Variants in GRK5 observed in about 807,000 individuals in gnomAD.
GRK5 encodes G protein-coupled receptor kinase 5.
GRK5 carries 40 observed loss-of-function variants against 78.4 expected under a neutral mutation model. The observed-to-expected ratio is 0.51, with a 90% CI of 0.40 to 0.66. The LOEUF is 0.66. GRK5 is among the 30% of genes least tolerant of loss of function. The pLI is 0.00. For synonymous variants in GRK5, 289 were observed against 296.8 expected (o/e 0.97, Z 0.27); for missense variants, 598 against 759.9 (o/e 0.79, Z 2.50).
chr10:119,229,157 G>A (rs1848786803), intron 1 of GRK5, among the ~76,000 whole-genome samples: 1 of 152,166 alleles, frequency 6.6e-6, no homozygotes, highest in Non-Finnish European at 1.5e-5. Context: ...TTTGGAGCTG[G>A]AGAGTAAGGG....
chr10:119,210,603 T>G (rs1848471309), intron 1 of GRK5, among the ~76,000 whole-genome samples: 1 of 152,214 alleles, frequency 6.6e-6, no homozygotes, highest in Non-Finnish European at 1.5e-5. Context: ...AACAGTATAT[T>G]AAAAAAATCT....
intron 8 of GRK5, among the ~76,000 whole-genome samples, chr10:119,436,425 G>A (rs908595767): frequency 1.3e-4 from 20 of 152,240 alleles, no homozygotes; most frequent in Admixed American, 3.3e-4. Context: ...GCCCTAACCC[G>A]CCTTGGCCTT....
At chr10:119,261,994 C>A (rs1309978879) in intron 1 of GRK5, among the ~76,000 whole-genome samples, 1 of 152,154 alleles carries the variant, frequency 6.6e-6, no homozygotes, top group African/African-American at 2.4e-5. Context: ...GCAATGAAGT[C>A]AAAATTGACC....
At chr10:119,387,031 G>A (rs1457502634) in intron 3 of GRK5, among the ~76,000 whole-genome samples, 2 of 151,800 alleles carry the variant, frequency 1.3e-5, no homozygotes, top group African/African-American at 2.4e-5. Flanking sequence ...TTGAGACAGA[G>A]TCTCACTGTG....
intron 2 of GRK5, among the ~76,000 whole-genome samples, chr10:119,351,273 T>TGGTA (rs901844759): frequency 6.6e-5 from 10 of 152,044 alleles, no homozygotes; most frequent in African/African-American, 2.4e-4. Flanking sequence ...ACTGTAATGG[T>TGGTA]GGTAACTCTT....
chr10:119,347,328 T>G (rs1350781402), intron 2 of GRK5, among the ~76,000 whole-genome samples: 3 of 152,112 alleles, frequency 2.0e-5, no homozygotes, highest in Admixed American at 6.5e-5. Flanking sequence ...TGTCCGTATA[T>G]TTGTGAGTGT....
rs1850898331 is a variant in GRK5 at position 119,336,903 on chromosome 10, C to T, written c.148+10292C>T. The stretch of plus-strand genomic sequence containing the variant: ...CTCTCAGGAGGGAAGGGTGGCCCCG[C>T]TGTCTTTGCGGTGTTAGTCTCACCT... On this transcript the variant is annotated intron_variant, in intron 2 of 15. Transcript: ENST00000392870. This position sits in a 1 kb window ranked among gnomAD's most constrained non-coding sequence, Gnocchi z 4.5. Among the ~76,000 whole-genome samples the T allele has an allele frequency of 6.6e-6, 1 of 152,204 alleles. No homozygotes were observed. The highest frequency in any genetic ancestry group is 2.4e-5 in the African/African-American group (1 of 41,456).
At chr10:119,340,478 A>G (rs2133783618) in intron 2 of GRK5, among the ~76,000 whole-genome samples, 1 of 152,344 alleles carries the variant, frequency 6.6e-6, no homozygotes, top group Non-Finnish European at 1.5e-5. Context: ...ATATATGTCA[A>G]TGGTTGCAAT....
intron 14 of GRK5, 127 bp from the exon 15 acceptor site, chr10:119,453,018 C>T (rs1589819103): frequency 6.9e-6 from 6 of 864,802 alleles, no homozygotes; most frequent in Non-Finnish European, 1.2e-5. Context: ...CGCCCAGCCC[C>T]TGAGACCTGG....
At chr10:119,276,488 T>G (rs1221726286) in intron 1 of GRK5, among the ~76,000 whole-genome samples, 1 of 152,212 alleles carries the variant, frequency 6.6e-6, no homozygotes, top group African/African-American at 2.4e-5. Context: ...ATTTTCTTAA[T>G]CCAGTCTATC....
At chr10:119,399,181 C>T (rs1040296754) in intron 4 of GRK5, among the ~76,000 whole-genome samples, 1 of 152,248 alleles carries the variant, frequency 6.6e-6, no homozygotes, top group Non-Finnish European at 1.5e-5. Context: ...AAGTTCTCCT[C>T]AATTTAAAAA....
At chr10:119,435,247 G>T (rs532347621) in intron 8 of GRK5, among the ~76,000 whole-genome samples, 1 of 152,338 alleles carries the variant, frequency 6.6e-6, no homozygotes, top group East Asian at 1.9e-4. Context: ...TTAACATTCA[G>T]CTCCTTGTTA....
rs140133820 is a variant in GRK5, at chr10:119,308,602, G to A, written c.53-17914G>A. 1.4e-4 allele frequency among the ~76,000 whole-genome samples: 21 copies of A among 152,348 alleles called. No homozygotes were observed. In the East Asian group the frequency reaches 4.1e-3, roughly 29 times the overall value. On this transcript the variant is annotated intron_variant, in intron 1 of 15. Coordinates refer to ENST00000392870, the MANE Select transcript of GRK5 (RefSeq NM_005308.3). The stretch of plus-strand genomic sequence containing the variant: ...TTAGGAGGCGTGTGTTTTTCTTCCC[G>A]GTGACGTTGGGCCGGTCAGCCCGCG...
At position 119,455,825 on chromosome 10, in the gene GRK5, A is replaced by T. The variant is rs1314550689; in HGVS notation, c.*758A>T. The T allele has an allele frequency of 6.3e-6, 1 of 158,328 alleles. No individual in the cohort carries two copies. Among genetic ancestry groups the T allele is most frequent in the Non-Finnish European group, 1.4e-5 (1 of 72,808 alleles). 9.8% of individuals were successfully genotyped at this position (158,328 alleles called of 1,614,324 possible). A position where few individuals can be genotyped will look rare whatever the true frequency, so the allele number is the denominator to read the frequency against. ...GCCCTTCTCCTCGAGGGGCACGCCG[A>T]GCCACTGTCGCACCCACCTCTGTCT... is the stretch of plus-strand genomic sequence containing the variant. On this transcript the variant is annotated 3_prime_UTR_variant, in exon 16 of 16. Transcript: ENST00000392870.
chr10:119,228,206 A>G (rs1848770217), intron 1 of GRK5, among the ~76,000 whole-genome samples: 1 of 152,084 alleles, frequency 6.6e-6, no homozygotes, highest in Admixed American at 6.6e-5. Flanking sequence ...TTAGCTGGGC[A>G]TGGTGGTGTG....
chr10:119,417,851 T>C (rs1852493136), intron 4 of GRK5, among the ~76,000 whole-genome samples: 1 of 152,154 alleles, frequency 6.6e-6, no homozygotes, highest in Non-Finnish European at 1.5e-5. Flanking sequence ...TTCCAAGTGA[T>C]GGGAAGAGCT....
intron 4 of GRK5, among the ~76,000 whole-genome samples, chr10:119,405,412 A>C (rs1744787375): frequency 6.6e-6 from 1 of 152,066 alleles, no homozygotes; most frequent in African/African-American, 2.4e-5. Flanking sequence ...GTTCTTGTGA[A>C]GGGGGAAGTT....
Position 119,253,931 on chromosome 10 carries a change from A to G in GRK5, c.52+45962A>G, listed in dbSNP as rs757200646. On this transcript the variant is annotated intron_variant, in intron 1 of 15. Coordinates refer to ENST00000392870, the MANE Select transcript of GRK5 (RefSeq NM_005308.3). The surrounding 1 kb of genome is among the most constrained non-coding windows in gnomAD (Gnocchi z 5.7). The stretch of plus-strand genomic sequence containing the variant: ...GGCACACTTATTTTCAGATGTTCAC[A>G]TGGACTCTTTTTGAGATTCCCCAGG... 1.3e-5 allele frequency among the ~76,000 whole-genome samples: 2 copies of G among 152,134 alleles called. No individual in the cohort carries two copies. The highest frequency in any genetic ancestry group is 2.1e-4 in the South Asian group (1 of 4,828).
At chr10:119,300,973 G>A (rs1365406624) in intron 1 of GRK5, among the ~76,000 whole-genome samples, 2 of 152,018 alleles carry the variant, frequency 1.3e-5, no homozygotes, top group Admixed American at 6.6e-5. Context: ...GCATGATGGC[G>A]GGCGCCTGTA....
Sources: allele counts gnomAD v4.1 joint callset (sites outside exome capture counted in the v4.1 genomes callset), GRCh38; gene constraint gnomAD v4.1.1; non-coding constraint Gnocchi (gnomAD v3.1); transcripts MANE v1.5; gene names NCBI Gene and HGNC (gene_info 2026-07-23, HGNC 2026-07-21).